Variants in RAPGEF4 observed in about 807,000 individuals in gnomAD.
RAPGEF4 encodes the protein Rap guanine nucleotide exchange factor 4.
In RAPGEF4, 66 loss-of-function variants were observed where a neutral mutation model predicts 147.9. That is an observed-to-expected ratio of 0.45 (90% CI 0.37 to 0.55). The LOEUF (loss-of-function observed/expected upper bound fraction) is 0.55. Ranked by LOEUF, RAPGEF4 falls within the 20% of genes least tolerant of loss-of-function variation. The pLI, the probability that RAPGEF4 is intolerant of heterozygous loss-of-function variation, is 0.00. For missense variants in RAPGEF4, 1,071 were observed against 1,257.3 expected (o/e 0.85, Z 2.24); for synonymous variants, 419 against 442.7 (o/e 0.95, Z 0.67).
Position 172,764,984 on chromosome 2 carries a change from AT to A in RAPGEF4, c.65+28938del, listed in dbSNP as rs758408280. ...TGGGTGGCTTAAAGAATAGGAATGT[AT>A]TGTCTAACAGTTCTGGAGGCTAGAA... On this transcript the variant is annotated intron_variant, in intron 1 of 30. Coordinates refer to ENST00000397081, the MANE Select transcript of RAPGEF4 (RefSeq NM_007023.4). Among the ~76,000 whole-genome samples the A allele has an allele frequency of 5.3e-5, 8 of 152,286 alleles. 1 individual carries two copies. The highest frequency in any genetic ancestry group is 4.2e-4 in the South Asian group (2 of 4,808).
chr2:173,031,384 G>T (rs1353470748), intron 26 of RAPGEF4, among the ~76,000 whole-genome samples: 1 of 152,188 alleles, frequency 6.6e-6, no homozygotes, highest in Non-Finnish European at 1.5e-5. Flanking sequence ...TAAGCACAAA[G>T]CCATAATGCA....
rs147512615 is a variant in RAPGEF4, at chr2:172,796,358, G to A, written c.209-1167G>A. On this transcript the variant is annotated intron_variant, in intron 2 of 30. Coordinates refer to ENST00000397081, the MANE Select transcript of RAPGEF4 (RefSeq NM_007023.4). ...CCCAGCACTTTGGGAGGCTGAGGTG[G>A]GTGGATCAATAGGTCAGGAGATTGA... 8.5e-3 allele frequency among the ~76,000 whole-genome samples: 1,299 copies of A among 152,184 alleles called. 12 individuals carry two copies. The highest frequency in any genetic ancestry group is 0.016 in the Admixed American group (239 of 15,286).
At chr2:172,906,938 CTGGG>C (rs1699686584) in intron 4 of RAPGEF4, among the ~76,000 whole-genome samples, 1 of 152,256 alleles carries the variant, frequency 6.6e-6, no homozygotes, top group African/African-American at 2.4e-5. Context: ...ATGCCAGCTC[CTGGG>C]CTACCTCTAG....
intron 4 of RAPGEF4, among the ~76,000 whole-genome samples, chr2:172,880,227 T>C (rs1013891847): frequency 3.9e-5 from 6 of 152,184 alleles, no homozygotes; most frequent in Admixed American, 2.0e-4. Flanking sequence ...GACTCAGTGC[T>C]CCGCGCTCTG....
At chr2:173,026,431 G>A (rs989841782) in intron 23 of RAPGEF4, 141 bp from the exon 24 acceptor site, 7 of 828,550 alleles carry the variant, frequency 8.4e-6, no homozygotes, top group Non-Finnish European at 1.2e-5. Context: ...GCGAGCAGAG[G>A]CATCTCTCCT....
At chr2:172,950,002 A>T (rs1279346588) in intron 6 of RAPGEF4, among the ~76,000 whole-genome samples, 1 of 152,216 alleles carries the variant, frequency 6.6e-6, no homozygotes, top group Non-Finnish European at 1.5e-5. Flanking sequence ...TAATCTTGTT[A>T]GATGTTATAC....
At chr2:172,739,127 TC>T in intron 1 of RAPGEF4, among the ~76,000 whole-genome samples, 1 of 152,148 alleles carries the variant, frequency 6.6e-6, no homozygotes, top group Non-Finnish European at 1.5e-5. Context: ...CAAATACTAA[TC>T]TTAAAACCAG....
intron 3 of RAPGEF4, among the ~76,000 whole-genome samples, chr2:172,798,139 A>AT (rs1329938177): frequency 6.6e-6 from 1 of 151,818 alleles, no homozygotes; most frequent in Admixed American, 6.6e-5. Flanking sequence ...TAATAATATT[A>AT]TTTTCCCTCT....
Position 172,960,541 on chromosome 2 carries a change from G to T in RAPGEF4, c.538-219G>T, listed in dbSNP as rs2592939. ...TCCTATCTATTTGGTTTTTTCATTTGTAATAATTTATATTTAAATGTTGGC... is the reference window on the plus strand; with the variant it reads ...TCCTATCTATTTGGTTTTTTCATTTTTAATAATTTATATTTAAATGTTGGC... On this transcript the variant is annotated intron_variant, in intron 6 of 30. Coordinates refer to ENST00000397081, the MANE Select transcript of RAPGEF4 (RefSeq NM_007023.4). Among the ~76,000 whole-genome samples, 55,333 of 151,858 alleles carry T rather than the reference G, an allele frequency of 0.36. 10,213 individuals carry two copies. The highest frequency in any genetic ancestry group is 0.44 in the East Asian group (2,256 of 5,170).
At chr2:172,757,554 A>T (rs1044686950) in intron 1 of RAPGEF4, among the ~76,000 whole-genome samples, 3 of 152,144 alleles carry the variant, frequency 2.0e-5, no homozygotes, top group Non-Finnish European at 4.4e-5. Context: ...AACATAATAT[A>T]TTGCTTTTAA....
At chr2:172,958,672 A>G (rs1340695701) in intron 6 of RAPGEF4, among the ~76,000 whole-genome samples, 1 of 152,220 alleles carries the variant, frequency 6.6e-6, no homozygotes, top group Non-Finnish European at 1.5e-5. Context: ...TATGCTGTTA[A>G]AATACTATAA....
At chr2:172,976,716 C>T (rs888142893) in intron 10 of RAPGEF4, among the ~76,000 whole-genome samples, 1 of 152,176 alleles carries the variant, frequency 6.6e-6, no homozygotes, top group African/African-American at 2.4e-5. Context: ...TGGGCCATGC[C>T]AATGTGCTGC....
At chr2:172,999,503 ACT>A (rs1393045105) in intron 16 of RAPGEF4, among the ~76,000 whole-genome samples, 2 of 151,938 alleles carry the variant, frequency 1.3e-5, no homozygotes, top group African/African-American at 2.4e-5. Flanking sequence ...TTGACATTAC[ACT>A]CTCTTAATTT....
In RAPGEF4 at chr2:173,024,218, ATTT is replaced by A. The variant is rs5836398; in HGVS notation, c.2254-2339_2254-2337del. ...TGCTACAGCACTTCTTTTTTTTATT[ATTT>A]TTTTTTTTTTTTTTGAGACGGAGTC... On this transcript the variant is annotated intron_variant, in intron 23 of 30. Coordinates refer to ENST00000397081, the MANE Select transcript of RAPGEF4 (RefSeq NM_007023.4). Among the ~76,000 whole-genome samples the A allele has an allele frequency of 2.9e-5, 4 of 137,506 alleles. 1 individual carries two copies. Among genetic ancestry groups the A allele is most frequent in the Admixed American group, 7.4e-5 (1 of 13,428 alleles). The allele number at this position is 137,506 out of a possible 152,430, so 90.2% of individuals were successfully genotyped here. A position where few individuals can be genotyped will look rare whatever the true frequency, so the allele number is the denominator to read the frequency against.
chr2:172,795,081 T>C lies in RAPGEF4; in HGVS notation c.122T>C (p.Val41Ala), dbSNP rs1254974709. The C allele has an allele frequency of 6.2e-7, 1 of 1,613,842 alleles. No individual in the cohort carries two copies. Among genetic ancestry groups the C allele is most frequent in the Non-Finnish European group, 8.5e-7 (1 of 1,179,738 alleles). Residue 41 changes from valine to alanine, a missense_variant, in exon 2 of 31, where the codon GTT becomes GCT. Coordinates refer to ENST00000397081, the MANE Select transcript of RAPGEF4 (RefSeq NM_007023.4). Reference sequence around the variant, plus strand: ...ATAATCTTCACTCGACTGAAAGAAGTTAAAGCTTTTGAGAAATTTCACCCA... The same window carrying C: ...ATAATCTTCACTCGACTGAAAGAAGCTAAAGCTTTTGAGAAATTTCACCCA... ...VDIIFTRLKE[V>A]KAFEKFHPNL... is the part of the protein sequence containing the mutation.
intron 15 of RAPGEF4, among the ~76,000 whole-genome samples, chr2:172,994,973 C>T (rs893693443): frequency 6.6e-6 from 1 of 152,124 alleles, no homozygotes; most frequent in Non-Finnish European, 1.5e-5. Context: ...TTTTAGCTAA[C>T]AGCTGCCTTC....
chr2:172,760,919 AAACTT>A (rs1432303269), intron 1 of RAPGEF4, among the ~76,000 whole-genome samples: 1 of 152,018 alleles, frequency 6.6e-6, no homozygotes, highest in East Asian at 1.9e-4. Flanking sequence ...CTAAATATGA[AAACTT>A]AAAGAAATCC....
chr2:172,853,975 CTT>C (rs1693141158), intron 4 of RAPGEF4, among the ~76,000 whole-genome samples: 1 of 151,964 alleles, frequency 6.6e-6, no homozygotes, highest in Non-Finnish European at 1.5e-5. Flanking sequence ...CTTTTAATAA[CTT>C]ATATTTCACT....
chr2:172,989,218 C>A (rs1408556466), intron 14 of RAPGEF4, among the ~76,000 whole-genome samples: 1 of 152,216 alleles, frequency 6.6e-6, no homozygotes, highest in Non-Finnish European at 1.5e-5. Flanking sequence ...GTGGCAGCCC[C>A]CTCTGCCCCT....
Sources: gnomAD v4.1 joint callset for allele counts (sites outside exome capture counted in the v4.1 genomes callset) on GRCh38, gnomAD v4.1.1 for gene constraint, MANE v1.5 for transcripts, NCBI Gene and HGNC (gene_info 2026-07-23, HGNC 2026-07-21) for gene names.